Variants in TENM4 observed in about 807,000 individuals in gnomAD.
TENM4 encodes teneurin-4.
Under a neutral mutation model 243.3 loss-of-function variants are expected in TENM4, and 82 were observed. That is an observed-to-expected ratio of 0.34 (90% confidence interval 0.28 to 0.40). TENM4 has a LOEUF of 0.40. Ranked by LOEUF, TENM4 falls within the 10% of genes least tolerant of loss-of-function variation. The pLI is 1.00. For missense variants in TENM4, 3,138 were observed against 3,673.3 expected (o/e 0.85, Z 3.77); for synonymous variants, 1,412 against 1,456.3 (o/e 0.97, Z 0.69).
rs188647798 is a variant in TENM4 at position 79,346,116 on chromosome 11, G to A, written c.-320-48573C>T. ...AGGAGACATTCCCAAATAAAACTCC[G>A]AAGTCCATTCTAGCTCATTCCACTA... is the stretch of plus-strand genomic sequence containing the variant. On this transcript the variant is annotated intron_variant, in intron 1 of 33. Transcript: ENST00000278550. 3.3e-4 allele frequency among the ~76,000 whole-genome samples: 50 copies of A among 152,234 alleles called. 1 individual carries two copies. Among genetic ancestry groups the A allele is most frequent in the African/African-American group, 9.1e-4 (38 of 41,532 alleles).
Position 78,903,479 on chromosome 11 carries a change from G to T in TENM4, c.538C>A (p.Pro180Thr), listed in dbSNP as rs1250513590. The change falls in exon 7 of 34, where the codon CCG (proline) becomes ACG (threonine). Residue 180 changes from proline (P) to threonine (T), a missense_variant. Around this residue, in one of 2 missense-constraint regions of TENM4, gnomAD observed 671 missense variants for 614.1 expected, o/e 1.09. Transcript: ENST00000278550. Reference sequence around the variant, plus strand: ...GTGTGGGCGTGCGAGAGCGGCGGCGGCGGCGTCCGGAGCCGCGCGTGGTTC... The same window carrying T: ...GTGTGGGCGTGCGAGAGCGGCGGCGTCGGCGTCCGGAGCCGCGCGTGGTTC... ...LQNHARLRTP[P>T]PPLSHAHTPN... 1 of 1,547,874 alleles carries T rather than the reference G, an allele frequency of 6.5e-7. No homozygotes were observed. The highest frequency in any genetic ancestry group is 8.7e-7 in the Non-Finnish European group (1 of 1,145,994).
chr11:79,030,943 G>A (rs1436223828), intron 6 of TENM4, among the ~76,000 whole-genome samples: 1 of 152,108 alleles, frequency 6.6e-6, no homozygotes, highest in African/African-American at 2.4e-5. Context: ...AAAGAGGAGC[G>A]AGACAGAGAG....
At chr11:78,925,344 T>C (rs929249977) in intron 6 of TENM4, among the ~76,000 whole-genome samples, 2 of 152,088 alleles carry the variant, frequency 1.3e-5, no homozygotes, top group Admixed American at 1.3e-4. Flanking sequence ...TGTGTGTGTG[T>C]TAGTAGTAGT....
chr11:78,671,076 GA>G (rs1194024269), intron 31 of TENM4, among the ~76,000 whole-genome samples: 1 of 152,190 alleles, frequency 6.6e-6, no homozygotes, highest in Admixed American at 6.5e-5. Context: ...AGTTTCCGCT[GA>G]CTCCCTGTGG....
chr11:79,254,263 GA>G (rs143624290), intron 2 of TENM4, among the ~76,000 whole-genome samples: 2,023 of 152,304 alleles, frequency 0.013, 46 homozygotes, highest in African/African-American at 0.046. Context: ...AAGTGTCTTT[GA>G]GCAGAGACTG....
At chr11:79,190,509 A>C (rs1863458989) in intron 3 of TENM4, among the ~76,000 whole-genome samples, 1 of 152,194 alleles carries the variant, frequency 6.6e-6, no homozygotes, top group Non-Finnish European at 1.5e-5. Flanking sequence ...ACAGATCCTC[A>C]GTATTTACTT....
chr11:78,669,202 C>T lies in TENM4; in HGVS notation c.7143G>A (p.Leu2381=), dbSNP rs954336705. ...TGTAGATCTCCCCATAGGCTGTGTA[C>T]AGGATTTGCTTGATCATCAAACCTG... The part of the protein sequence containing the change: ...SGTGLMIKQI[L]YTAYGEIYMD... The change falls in exon 32 of 34, where the codon CTG becomes CTA. Residue 2381 remains leucine, a synonymous_variant. Coordinates refer to ENST00000278550, the MANE Select transcript of TENM4 (RefSeq NM_001098816.3). The surrounding 1 kb of genome is among the most constrained non-coding windows in gnomAD (Gnocchi z 6.4). The T allele has an allele frequency of 6.2e-7, 1 of 1,612,142 alleles. No homozygotes were observed. The highest frequency in any genetic ancestry group is 2.2e-5 in the East Asian group (1 of 44,798).
At chr11:79,280,916 A>C (rs1856146975) in intron 2 of TENM4, among the ~76,000 whole-genome samples, 1 of 152,064 alleles carries the variant, frequency 6.6e-6, no homozygotes, top group Admixed American at 6.5e-5. Flanking sequence ...AAACACATAA[A>C]ATGAGGTGGT....
In TENM4 at chr11:79,302,916, A is replaced by C. The variant is rs1035065197; in HGVS notation, c.-320-5373T>G. On this transcript the variant is annotated intron_variant, in intron 1 of 33. Transcript: ENST00000278550. ...TTGATGCCCTCACTTTGGTCATCTT[A>C]GGCCACTAACATACTAGTTCAAGGA... Among the ~76,000 whole-genome samples the C allele has an allele frequency of 2.6e-4, 40 of 152,190 alleles. 1 individual carries two copies. Among genetic ancestry groups the C allele is most frequent in the African/African-American group, 9.7e-4 (40 of 41,442 alleles).
rs115589991 is a variant in TENM4, at chr11:79,141,428, A to G, written c.-66+7282T>C. ...AATTCCTAGACATACACATCCTACA[A>G]ATATTAAACCATGAAGAAATCCAAA... On this transcript the variant is annotated intron_variant, in intron 4 of 33. Transcript: ENST00000278550. Among the ~76,000 whole-genome samples, 861 of 152,242 alleles carry G rather than the reference A, an allele frequency of 5.7e-3. 12 individuals are homozygous for G. The highest frequency in any genetic ancestry group is 0.019 in the African/African-American group (809 of 41,564).
At chr11:78,660,057 G>T (rs1467380594) in intron 33 of TENM4, among the ~76,000 whole-genome samples, 1 of 152,260 alleles carries the variant, frequency 6.6e-6, no homozygotes, top group Non-Finnish European at 1.5e-5. Context: ...TTGGCAGACA[G>T]GCAGTCAGAG....
intron 6 of TENM4, among the ~76,000 whole-genome samples, chr11:78,912,429 A>T (rs1399380703): frequency 1.3e-5 from 2 of 152,152 alleles, no homozygotes; most frequent in South Asian, 2.1e-4. Flanking sequence ...TAATTTTTAA[A>T]TTTTTTTAGT....
chr11:79,183,024 C>G (rs1863313683), intron 3 of TENM4, among the ~76,000 whole-genome samples: 1 of 152,126 alleles, frequency 6.6e-6, no homozygotes, highest in South Asian at 2.1e-4. Flanking sequence ...TAAACACATT[C>G]TTATTGTATG....
chr11:78,738,937 C>A (rs1855860746), intron 19 of TENM4, among the ~76,000 whole-genome samples: 1 of 151,940 alleles, frequency 6.6e-6, no homozygotes, highest in Admixed American at 6.5e-5. Flanking sequence ...GGCTCTGCCA[C>A]TTCCTAGCTC....
At chr11:79,368,411 TA>T (rs1402465538) in intron 1 of TENM4, among the ~76,000 whole-genome samples, 1 of 152,248 alleles carries the variant, frequency 6.6e-6, no homozygotes, top group Non-Finnish European at 1.5e-5. Context: ...AAATACGCAG[TA>T]ATGTCAACCA....
chr11:78,706,931 G>C (rs1286729582), intron 27 of TENM4, among the ~76,000 whole-genome samples: 1 of 152,200 alleles, frequency 6.6e-6, no homozygotes, highest in Non-Finnish European at 1.5e-5. Flanking sequence ...GAGTGGCAGA[G>C]AACAGCATCC....
At chr11:78,708,242 CA>C in intron 27 of TENM4, 118 bp downstream of exon 27, 1 of 1,362,654 alleles carries the variant, frequency 7.3e-7, no homozygotes, top group Non-Finnish European at 1.0e-6. Flanking sequence ...AGCCTGGCAC[CA>C]AGTAGGTGCT....
chr11:79,395,308 T>C (rs1426951543), intron 1 of TENM4, among the ~76,000 whole-genome samples: 1 of 152,200 alleles, frequency 6.6e-6, no homozygotes, highest in Non-Finnish European at 1.5e-5. Flanking sequence ...TTATCTAAAA[T>C]TGACACATCA....
intron 3 of TENM4, among the ~76,000 whole-genome samples, chr11:79,172,266 A>G (rs184472961): frequency 3.4e-4 from 51 of 152,122 alleles, no homozygotes; most frequent in Non-Finnish European, 5.9e-5. Context: ...ACTGTTAATA[A>G]TTACACTGGA....
Sources: gnomAD v4.1 joint callset for allele counts (sites outside exome capture counted in the v4.1 genomes callset) on GRCh38, gnomAD v4.1.1 for gene constraint, gnomAD v4.1.1 regional missense constraint, Gnocchi (gnomAD v3.1) non-coding constraint, MANE v1.5 for transcripts, NCBI Gene and HGNC (gene_info 2026-07-23, HGNC 2026-07-21) for gene names.